The following FOXP1 variants were observed in gnomAD, a reference collection of about 807,000 sequenced individuals.
FOXP1 encodes the protein forkhead box protein P1.
Under a neutral mutation model 98.2 loss-of-function variants are expected in FOXP1, and 15 were observed. That is an observed-to-expected ratio of 0.15 (90% CI 0.10 to 0.24). The LOEUF (loss-of-function observed/expected upper bound fraction) is 0.24, where lower values mean the gene tolerates loss of function less well. Among genes scored for constraint, FOXP1 ranks in the 10% least tolerant of loss-of-function variants. The pLI, the probability that FOXP1 is intolerant of heterozygous loss-of-function variation, is 1.00. For missense variants in FOXP1, 633 were observed against 848.5 expected, an observed-to-expected ratio of 0.75 and a Z score of 3.15; for synonymous variants, 371 against 314.5, an observed-to-expected ratio of 1.18 and a Z score of -1.90.
chr3:71,361,890 A>C (rs2078596475), intron 3 of FOXP1, among the ~76,000 whole-genome samples: 1 of 152,238 alleles, frequency 6.6e-6, no homozygotes, highest in Non-Finnish European at 1.5e-5. Flanking sequence ...TAATATAACA[A>C]AGAAGCACCG....
chr3:71,277,812 A>T (rs991628583), intron 5 of FOXP1, among the ~76,000 whole-genome samples: 19 of 151,838 alleles, frequency 1.3e-4, no homozygotes, highest in African/African-American at 4.1e-4. Flanking sequence ...TATTTATTTA[A>T]TTAATTAATT....
At chr3:71,008,084 CG>C (rs2043032369) in intron 12 of FOXP1, among the ~76,000 whole-genome samples, 2 of 152,124 alleles carry the variant, frequency 1.3e-5, no homozygotes, top group South Asian at 2.1e-4. Flanking sequence ...TTTTAGTAGA[CG>C]TTATACAAGT....
At chr3:71,522,374 GT>G (rs2043056242) in intron 2 of FOXP1, among the ~76,000 whole-genome samples, 1 of 152,204 alleles carries the variant, frequency 6.6e-6, no homozygotes, top group Non-Finnish European at 1.5e-5. Context: ...CTGTGATGGT[GT>G]TTTCCAAGAG....
chr3:71,567,626 C>A (rs1057375340), intron 2 of FOXP1, among the ~76,000 whole-genome samples: 1 of 152,162 alleles, frequency 6.6e-6, no homozygotes, highest in South Asian at 2.1e-4. Flanking sequence ...TGGTACCGCA[C>A]GTCCATAAAA....
intron 4 of FOXP1, among the ~76,000 whole-genome samples, chr3:71,350,469 A>T (rs1308778006): frequency 6.6e-6 from 1 of 152,164 alleles, no homozygotes; most frequent in East Asian, 1.9e-4. Flanking sequence ...TGCACATGTA[A>T]GTATGTTAAA....
At chr3:71,177,840 CTTTTTTTT>C (rs397704711) in intron 6 of FOXP1, among the ~76,000 whole-genome samples, 1 of 114,942 alleles carries the variant, frequency 8.7e-6, no homozygotes, top group Non-Finnish European at 1.7e-5. Context: ...TTCTTTCTTT[CTTTTTTTT>C]TTTTTTTTTT....
chr3:71,237,455 T>A (rs2066899292), intron 5 of FOXP1, among the ~76,000 whole-genome samples: 1 of 152,116 alleles, frequency 6.6e-6, no homozygotes, highest in Non-Finnish European at 1.5e-5. Context: ...AAGAGCCACA[T>A]CTGGCTGGTA....
At position 70,966,042 on chromosome 3, in the gene FOXP1, C is replaced by G. The variant is rs756328632; in HGVS notation, c.1737G>C (p.Glu579Asp). The change falls in exon 20 of 21, where the codon GAG becomes GAC. Residue 579 changes from glutamate (E) to aspartate (D), a missense_variant. Around this residue, in one of 6 missense-constraint regions of FOXP1, gnomAD observed 150 missense variants for 163.7 expected, o/e 0.92. Coordinates refer to ENST00000649528, the MANE Select transcript of FOXP1 (RefSeq NM_001349338.3). ...CGGTAGTGTATAGAGGTATACTATT[C>G]TCAGCCATTGAAGCCTGTCATCAAC... The part of the protein sequence containing the change: ...LNAALQASMA[E>D]NSIPLYTTAS... 1.6e-5 allele frequency: 26 copies of G among 1,614,116 alleles called. 2 individuals carry two copies. The South Asian group carries it at 2.0e-4, about 12-fold the overall frequency.
chr3:71,260,045 G>A (rs1371001543), intron 5 of FOXP1, among the ~76,000 whole-genome samples: 2 of 152,162 alleles, frequency 1.3e-5, no homozygotes, highest in African/African-American at 4.8e-5. Flanking sequence ...GTGCAGCGGC[G>A]CAATCTCGGC....
chr3:71,418,661 C>G (rs1484597338), intron 3 of FOXP1, among the ~76,000 whole-genome samples: 2 of 152,152 alleles, frequency 1.3e-5, no homozygotes, highest in Non-Finnish European at 2.9e-5. Flanking sequence ...GATCTAAACA[C>G]TACTTAACTG....
At position 71,345,660 on chromosome 3, in the gene FOXP1, T is replaced by C. The variant is rs550314708; in HGVS notation, c.-73+13490A>G. Among the ~76,000 whole-genome samples, 5 of 151,046 alleles carry C rather than the reference T, an allele frequency of 3.3e-5. No homozygotes were observed. In the South Asian group the frequency reaches 8.4e-4, roughly 25 times the overall value. On this transcript the variant is annotated intron_variant, in intron 4 of 20. Coordinates refer to ENST00000649528, the MANE Select transcript of FOXP1 (RefSeq NM_001349338.3). ...ACAAAATAAGAAGAGCCACCCAGAG[T>C]TCTCCATTCCAAAGAGAAGAGCTTC...
chr3:71,343,159 G>A (rs2077113268), intron 4 of FOXP1, among the ~76,000 whole-genome samples: 2 of 152,168 alleles, frequency 1.3e-5, no homozygotes, highest in African/African-American at 2.4e-5. Context: ...TTTCCCTGAG[G>A]TCCTTCCTAC....
At chr3:71,559,724 G>A (rs964447080) in intron 2 of FOXP1, among the ~76,000 whole-genome samples, 1 of 152,180 alleles carries the variant, frequency 6.6e-6, no homozygotes, top group Admixed American at 6.5e-5. Flanking sequence ...GCACGTGCCT[G>A]TAGTCCCAGC....
intron 2 of FOXP1, chr3:71,573,749 T>G (rs1355218438): frequency 6.6e-6 from 1 of 152,142 alleles, no homozygotes; most frequent in Non-Finnish European, 1.5e-5. Flanking sequence ...AGATGTTATC[T>G]GAAGATGCCC....
At chr3:71,018,224 C>T (rs1333503576) in intron 11 of FOXP1, among the ~76,000 whole-genome samples, 2 of 152,142 alleles carry the variant, frequency 1.3e-5, no homozygotes, top group Non-Finnish European at 2.9e-5. Flanking sequence ...CTATTCACAT[C>T]TAAGAATTTA....
intron 3 of FOXP1, among the ~76,000 whole-genome samples, chr3:71,464,026 C>A (rs2088438725): frequency 6.6e-6 from 1 of 152,162 alleles, no homozygotes; most frequent in African/African-American, 2.4e-5. Context: ...CGCTTCTATC[C>A]CAGCACTTTG....
chr3:71,411,282 T>TGTGC (rs1478190719), intron 3 of FOXP1, among the ~76,000 whole-genome samples: 2 of 44,008 alleles, frequency 4.5e-5, no homozygotes, highest in Admixed American at 2.0e-4. Flanking sequence ...AATGGGCGTG[T>TGTGC]GTGTGTGTGT....
At chr3:71,393,169 G>T (rs2081151351) in intron 3 of FOXP1, among the ~76,000 whole-genome samples, 2 of 152,014 alleles carry the variant, frequency 1.3e-5, no homozygotes, top group African/African-American at 4.8e-5. Flanking sequence ...TTAGAATTGG[G>T]TTTAGAATTT....
chr3:71,439,679 C>T (rs1577519975), intron 3 of FOXP1, among the ~76,000 whole-genome samples: 1 of 152,192 alleles, frequency 6.6e-6, no homozygotes, highest in South Asian at 2.1e-4. Flanking sequence ...CGCAGCAGCT[C>T]AAGCCTGTAA....
Sources: gnomAD v4.1 joint callset for allele counts (sites outside exome capture counted in the v4.1 genomes callset) on GRCh38, gnomAD v4.1.1 for gene constraint, gnomAD v4.1.1 regional missense constraint, MANE v1.5 for transcripts, NCBI Gene and HGNC (gene_info 2026-07-23, HGNC 2026-07-21) for gene names.